The following TTYH3 variants were observed in gnomAD, a reference collection of about 807,000 sequenced individuals.
TTYH3 encodes protein tweety homolog 3.
Under a neutral mutation model 68.2 loss-of-function variants are expected in TTYH3, and 23 were observed. The observed-to-expected ratio is 0.34, with a 90% CI of 0.24 to 0.48. TTYH3 has a LOEUF of 0.48. Among genes scored for constraint, TTYH3 ranks in the 20% least tolerant of loss-of-function variants. The pLI, the probability that TTYH3 is intolerant of heterozygous loss-of-function variation, is 0.99. For missense variants in TTYH3, 768 were observed against 727.7 expected (o/e 1.06, Z -0.64); for synonymous variants, 360 against 332.8 (o/e 1.08, Z -0.89).
chr7:2,638,649 C>T (rs1175603176), intron 1 of TTYH3, among the ~76,000 whole-genome samples: 2 of 152,208 alleles, frequency 1.3e-5, no homozygotes, highest in South Asian at 2.1e-4. Flanking sequence ...GCTGGCTGCA[C>T]GTCCTCCAGG....
At chr7:2,658,512 A>C (rs955366170) in intron 12 of TTYH3, 53 bp downstream of exon 12, 2 of 1,557,474 alleles carry the variant, frequency 1.3e-6, no homozygotes, top group African/African-American at 2.7e-5. Context: ...TGCGGCTGAG[A>C]GCGCGGATCT....
chr7:2,632,387 C>G lies in TTYH3; in HGVS notation c.123+109C>G, dbSNP rs544010614. On this transcript the variant is annotated intron_variant, in intron 1 of 13. Transcript: ENST00000258796. ...GAGGGCCTAAAGACCCCTCATCCCCCCCTCCAGGGTCACGGCCACCTCCTC... is the reference window on the plus strand; with the variant it reads ...GAGGGCCTAAAGACCCCTCATCCCCGCCTCCAGGGTCACGGCCACCTCCTC... The G allele has an allele frequency of 8.8e-5, 104 of 1,187,364 alleles. No homozygotes were observed. The Middle Eastern group carries it at 1.8e-3, about 21-fold the overall frequency. The allele number at this position is 1,187,364 out of a possible 1,614,324, so 73.6% of individuals were successfully genotyped here.
At chr7:2,660,469 C>T (rs1210051822) in intron 13 of TTYH3, 2 of 985,422 alleles carry the variant, frequency 2.0e-6, no homozygotes, top group African/African-American at 1.7e-5. Flanking sequence ...CCGGCGAGCA[C>T]GTGAGCTTCT....
intron 3 of TTYH3, 35 bp from the exon 4 acceptor site, chr7:2,647,383 G>A (rs940447164): frequency 1.4e-6 from 2 of 1,463,404 alleles, no homozygotes; most frequent in African/African-American, 1.4e-5. Flanking sequence ...CGAGGCGGGC[G>A]CGCTCCCAGC....
At chr7:2,647,730 C>T in intron 4 of TTYH3, 92 bp downstream of exon 4, 1 of 1,355,252 alleles carries the variant, frequency 7.4e-7, no homozygotes, top group Non-Finnish European at 1.0e-6. Context: ...GTACATGAGG[C>T]CTGATGGGCA....
chr7:2,648,077 C>T, intron 5 of TTYH3, 23 bp downstream of exon 5: 1 of 1,599,522 alleles, frequency 6.3e-7, no homozygotes. Flanking sequence ...GTGTCGGCCC[C>T]CCGTGGGCCC....
intron 5 of TTYH3, among the ~76,000 whole-genome samples, chr7:2,649,097 G>A (rs1786088095): frequency 6.6e-6 from 1 of 152,100 alleles, no homozygotes; most frequent in African/African-American, 2.4e-5. Flanking sequence ...AGCCAGATGT[G>A]GGTGAGGTGA....
At chr7:2,653,625 G>A (rs1019986031) in intron 9 of TTYH3, among the ~76,000 whole-genome samples, 1 of 152,228 alleles carries the variant, frequency 6.6e-6, no homozygotes, top group African/African-American at 2.4e-5. Context: ...CACTTTGGGA[G>A]GCCGAGGTGG....
At chr7:2,640,182 G>A (rs1403598457) in intron 1 of TTYH3, among the ~76,000 whole-genome samples, 1 of 152,158 alleles carries the variant, frequency 6.6e-6, no homozygotes, top group African/African-American at 2.4e-5. Context: ...TGGGATCGTG[G>A]CCACTGCCTG....
chr7:2,647,330 C>G lies in TTYH3; in HGVS notation c.405+77C>G, dbSNP rs868401613. On this transcript the variant is annotated intron_variant, in intron 3 of 13. Transcript: ENST00000258796. Reference sequence around the variant, plus strand: ...CACGTCTGCGCGAGGACGGGCGGGGCAGCCGGGACTGGGGCTGTGCAGGAG... The same window carrying G: ...CACGTCTGCGCGAGGACGGGCGGGGGAGCCGGGACTGGGGCTGTGCAGGAG... 18 of 1,512,336 alleles carry G rather than the reference C, an allele frequency of 1.2e-5. 1 individual carries two copies. Among genetic ancestry groups the G allele is most frequent in the African/African-American group, 1.1e-4 (8 of 72,538 alleles). The allele number at this position is 1,512,336 out of a possible 1,614,324, so 93.7% of individuals were successfully genotyped here.
At chr7:2,637,887 GC>G (rs987403726) in intron 1 of TTYH3, among the ~76,000 whole-genome samples, 7 of 152,194 alleles carry the variant, frequency 4.6e-5, no homozygotes, top group African/African-American at 1.7e-4. Context: ...ACCCACTGTG[GC>G]TGGGTCAGGC....
Position 2,647,174 on chromosome 7 carries a change from G to A in TTYH3, c.326G>A (p.Gly109Glu). 1 of 1,606,870 alleles carries A rather than the reference G, an allele frequency of 6.2e-7. No individual in the cohort carries two copies. Among genetic ancestry groups the A allele is most frequent in the Non-Finnish European group, 8.5e-7 (1 of 1,178,144 alleles). Residue 109 changes from glycine to glutamate, a missense_variant, in exon 3 of 14, where the codon GGG becomes GAG. Physicochemically the swap from Gly to Glu is moderately conservative, Grantham distance 98. Transcript: ENST00000258796. ...AGIAVGFYGN[G>E]ETSDGIHRAT... Reference sequence around the variant, plus strand: ...ATCGCAGTGGGATTCTACGGCAACGGGGAGACCAGTGATGGCATCCATAGG... The same window carrying A: ...ATCGCAGTGGGATTCTACGGCAACGAGGAGACCAGTGATGGCATCCATAGG...
chr7:2,652,140 A>C, intron 7 of TTYH3, 47 bp from the exon 8 acceptor site: 1 of 1,568,662 alleles, frequency 6.4e-7, no homozygotes, highest in Non-Finnish European at 8.8e-7. Flanking sequence ...ACGCAGTCTC[A>C]CAGGGACAGC....
chr7:2,653,627 C>T, intron 9 of TTYH3, among the ~76,000 whole-genome samples: 1 of 152,212 alleles, frequency 6.6e-6, no homozygotes, highest in Admixed American at 6.5e-5. Flanking sequence ...CTTTGGGAGG[C>T]CGAGGTGGGT....
chr7:2,644,093 C>T (rs1367592269), intron 1 of TTYH3, among the ~76,000 whole-genome samples: 1 of 152,146 alleles, frequency 6.6e-6, no homozygotes, highest in Non-Finnish European at 1.5e-5. Flanking sequence ...GTTGACATGG[C>T]CCCCAGGCCA....
At position 2,658,974 on chromosome 7, in the gene TTYH3, G is replaced by A; in HGVS notation, c.1459G>A (p.Glu487Lys). The stretch of plus-strand genomic sequence containing the variant: ...CGCTAATTTCCAGAACCCCCGCTGT[G>A]AGAACACCCCACTCATTGGGCGCGA... ...QNANFQNPRC[E>K]NTPLIGRESP... is the part of the protein sequence containing the mutation. Residue 487 changes from glutamate (E) to lysine (K), a missense_variant, in exon 13 of 14, where the codon GAG becomes AAG. Glu to Lys is a moderately conservative substitution (Grantham distance 56, BLOSUM62 1). Transcript: ENST00000258796. 1 of 1,614,110 alleles carries A rather than the reference G, an allele frequency of 6.2e-7. No homozygotes were observed. Among genetic ancestry groups the A allele is most frequent in the Non-Finnish European group, 8.5e-7 (1 of 1,179,950 alleles).
In TTYH3 at chr7:2,658,040, T is replaced by C. The variant is rs1388879032; in HGVS notation, c.1251-246T>C. On this transcript the variant is annotated intron_variant, in intron 11 of 13. Transcript: ENST00000258796. ...AGTAAGCAGCCAGCCAGCCTTGCCA[T>C]GCACAGGCCGCAGTACAGGGCCTGG... Among the ~76,000 whole-genome samples the C allele has an allele frequency of 2.6e-5, 4 of 152,332 alleles. No homozygotes were observed. In the South Asian group the frequency reaches 8.3e-4, roughly 32 times the overall value.
rs756015223 is a variant in TTYH3, at chr7:2,647,207, A to G, written c.359A>G (p.Tyr120Cys). The G allele has an allele frequency of 2.5e-6, 4 of 1,604,626 alleles. No individual in the cohort carries two copies. The South Asian group carries it at 3.3e-5, about 13-fold the overall frequency. Reference protein sequence around the residue: ...ETSDGIHRATYSLRHANRTVA... With the variant: ...ETSDGIHRATCSLRHANRTVA... Reference sequence around the variant, plus strand: ...AGTGATGGCATCCATAGGGCCACCTACTCGCTCCGCCACGCCAACCGCACG... The same window carrying G: ...AGTGATGGCATCCATAGGGCCACCTGCTCGCTCCGCCACGCCAACCGCACG... Residue 120 changes from tyrosine to cysteine, a missense_variant, in exon 3 of 14, where the codon TAC (tyrosine) becomes TGC (cysteine). Coordinates refer to ENST00000258796, the MANE Select transcript of TTYH3 (RefSeq NM_025250.3).
chr7:2,653,123 G>A, intron 9 of TTYH3, 113 bp downstream of exon 9: 1 of 881,540 alleles, frequency 1.1e-6, no homozygotes, highest in Non-Finnish European at 1.8e-6. Flanking sequence ...GCACCAGGCT[G>A]GCCGAGTGGG....
Sources: allele counts gnomAD v4.1 joint callset (sites outside exome capture counted in the v4.1 genomes callset), GRCh38; gene constraint gnomAD v4.1.1; transcripts MANE v1.5; gene names NCBI Gene and HGNC (gene_info 2026-07-23, HGNC 2026-07-21).